LYZL4: variants seen among roughly 807,000 people sequenced by gnomAD.
LYZL4 encodes the protein lysozyme-like protein 4.
LYZL4 carries 13 observed loss-of-function variants against 17.6 expected under a neutral mutation model. The observed-to-expected ratio is 0.74, with a 90% CI of 0.48 to 1.18. The LOEUF is 1.18. Among genes scored for constraint, LYZL4 ranks in the 50% most tolerant of loss-of-function variants. The pLI is 0.00. For synonymous variants in LYZL4, 64 were observed against 67.7 expected (o/e 0.95, Z 0.27); for missense variants, 174 against 188.2 (o/e 0.92, Z 0.44).
At chr3:42,402,853 G>A (rs916434051) in intron 4 of LYZL4, among the ~76,000 whole-genome samples, 1 of 152,114 alleles carries the variant, frequency 6.6e-6, no homozygotes, top group Non-Finnish European at 1.5e-5. Flanking sequence ...ACTACCAAAT[G>A]CCCACAAATA....
At chr3:42,363,271 T>C in the LYZL4 span, among the ~76,000 whole-genome samples, 1 of 152,184 alleles carries the variant, frequency 6.6e-6, no homozygotes, top group Non-Finnish European at 1.5e-5. Context: ...TGGGGAACAG[T>C]TGGGGAAATT....
At chr3:42,372,561 C>T in the LYZL4 span, among the ~76,000 whole-genome samples, 171 of 152,248 alleles carry the variant, frequency 1.1e-3, 1 homozygote, top group Non-Finnish European at 1.8e-3. Flanking sequence ...GAGTTCAGTC[C>T]CACTGGGCAC....
At chr3:42,403,200 G>A (rs1698687245) in intron 4 of LYZL4, among the ~76,000 whole-genome samples, 1 of 151,350 alleles carries the variant, frequency 6.6e-6, no homozygotes, top group African/African-American at 2.4e-5. Flanking sequence ...TAACAAACAT[G>A]GGGGGAAACA....
chr3:42,378,657 C>T, the LYZL4 span, among the ~76,000 whole-genome samples: 1 of 152,164 alleles, frequency 6.6e-6, no homozygotes, highest in African/African-American at 2.4e-5. Flanking sequence ...CCCAGTGCAC[C>T]TCAACTCAGC....
intron 4 of LYZL4, among the ~76,000 whole-genome samples, chr3:42,398,228 T>A (rs934730619): frequency 6.6e-6 from 1 of 152,178 alleles, no homozygotes; most frequent in Non-Finnish European, 1.5e-5. Context: ...TCCCTTCCTG[T>A]CTGCCCCAAC....
the LYZL4 span, among the ~76,000 whole-genome samples, chr3:42,383,383 T>G: frequency 1.4e-5 from 2 of 147,894 alleles, no homozygotes; most frequent in East Asian, 4.0e-4. Flanking sequence ...TCCAGCCGGA[T>G]GGCTCCATGG....
At chr3:42,369,092 T>A in the LYZL4 span, among the ~76,000 whole-genome samples, 2 of 152,242 alleles carry the variant, frequency 1.3e-5, no homozygotes, top group Admixed American at 1.3e-4. Flanking sequence ...TTTAATTGTT[T>A]TAATAAGTTC....
intron 3 of LYZL4, among the ~76,000 whole-genome samples, chr3:42,405,533 G>A (rs1698733487): frequency 6.6e-6 from 1 of 152,146 alleles, no homozygotes; most frequent in Non-Finnish European, 1.5e-5. Context: ...CACATGAGAA[G>A]GCTGCAGGCC....
At position 42,397,227 on chromosome 3, in the gene LYZL4, G is replaced by A; in HGVS notation, c.*38C>T. 7.1e-7 allele frequency: 1 copy of A among 1,415,058 alleles called. No homozygotes were observed. The highest frequency in any genetic ancestry group is 9.7e-7 in the Non-Finnish European group (1 of 1,026,266). The allele number at this position is 1,415,058 out of a possible 1,614,324, so 87.7% of individuals were successfully genotyped here. On this transcript the variant is annotated 3_prime_UTR_variant, in exon 5 of 5. Transcript: ENST00000287748. ...AGCAGAAAAGCACCTTCATTCACAA[G>A]ATGCAACTGGTGAGTGCTGCAGGGG... is the stretch of plus-strand genomic sequence containing the variant.
chr3:42,404,323 T>C (rs1235988069), intron 3 of LYZL4, among the ~76,000 whole-genome samples, 199 bp from the exon 4 acceptor site: 1 of 152,232 alleles, frequency 6.6e-6, no homozygotes, highest in African/African-American at 2.4e-5. Flanking sequence ...ATTGATTTTT[T>C]AACTTGTAAT....
the LYZL4 span, among the ~76,000 whole-genome samples, chr3:42,363,978 A>G: frequency 5.9e-5 from 9 of 152,206 alleles, no homozygotes; most frequent in African/African-American, 2.2e-4. Flanking sequence ...GGCATGACCC[A>G]CACAGGCAAA....
downstream of LYZL4, among the ~76,000 whole-genome samples, chr3:42,394,662 C>G (rs1698527778): frequency 6.6e-6 from 1 of 152,108 alleles, no homozygotes; most frequent in Non-Finnish European, 1.5e-5. Context: ...GAGATCTGCC[C>G]CCAGAATGAG....
At chr3:42,364,354 T>C in the LYZL4 span, among the ~76,000 whole-genome samples, 4 of 149,340 alleles carry the variant, frequency 2.7e-5, no homozygotes, top group Non-Finnish European at 5.9e-5. Context: ...TTTTTTTTTT[T>C]TTTTTCAGGC....
chr3:42,374,538 C>T, the LYZL4 span, among the ~76,000 whole-genome samples: 6 of 152,240 alleles, frequency 3.9e-5, no homozygotes, highest in South Asian at 1.0e-3. Flanking sequence ...TATCCTGAGC[C>T]AGTATGAATT....
chr3:42,388,401 G>A, the LYZL4 span, among the ~76,000 whole-genome samples: 3 of 152,192 alleles, frequency 2.0e-5, no homozygotes, highest in East Asian at 3.9e-4. Flanking sequence ...GGATGCTCAC[G>A]GCTGGTGAGC....
chr3:42,366,087 AAGGAGACTTCTCTCTCCCC>A, the LYZL4 span, among the ~76,000 whole-genome samples: 1 of 151,738 alleles, frequency 6.6e-6, no homozygotes. Context: ...AGGGTAGGGG[AAGGAGACTTCTCTCTCCCC>A]AGGCCACTAG....
At chr3:42,373,467 G>T in the LYZL4 span, among the ~76,000 whole-genome samples, 1 of 152,084 alleles carries the variant, frequency 6.6e-6, no homozygotes, top group Non-Finnish European at 1.5e-5. Context: ...AAAACACAAG[G>T]GTTACTATTT....
the LYZL4 span, among the ~76,000 whole-genome samples, chr3:42,368,397 T>G: frequency 2.0e-5 from 3 of 152,208 alleles, no homozygotes; most frequent in Admixed American, 6.5e-5. Context: ...AAAGTTTCCA[T>G]GGGCTGAGAA....
the LYZL4 span, among the ~76,000 whole-genome samples, chr3:42,376,936 A>T: frequency 2.6e-5 from 4 of 152,254 alleles, no homozygotes; most frequent in Non-Finnish European, 5.9e-5. Flanking sequence ...TGTTGCCTAG[A>T]CAATGGCATA....
Sources: allele counts gnomAD v4.1 joint callset (sites outside exome capture counted in the v4.1 genomes callset), GRCh38; gene constraint gnomAD v4.1.1; transcripts MANE v1.5; gene names NCBI Gene and HGNC (gene_info 2026-07-23, HGNC 2026-07-21).